PACS1: variants seen among roughly 807,000 people sequenced by gnomAD.
PACS1 encodes the protein phosphofurin acidic cluster sorting protein 1, also known as PACS-1.
A neutral mutation model predicts 115.0 loss-of-function variants in PACS1; 24 were observed. The ratio of observed to expected loss-of-function variants is 0.21; its 90% CI spans 0.15 to 0.29. PACS1 has a LOEUF of 0.29. Among genes scored for constraint, PACS1 ranks in the 10% least tolerant of loss-of-function variants. The pLI is 1.00. For synonymous variants in PACS1, 453 were observed against 504.5 expected (o/e 0.90, Z 1.37); for missense variants, 838 against 1,251.2 (o/e 0.67, Z 4.98).
intron 1 of PACS1, among the ~76,000 whole-genome samples, chr11:66,136,905 C>T (rs1858857673): frequency 6.6e-6 from 1 of 152,040 alleles, no homozygotes; most frequent in African/African-American, 2.4e-5. Flanking sequence ...GCCCGGCCTC[C>T]GTAGGCTCTC....
intron 1 of PACS1, among the ~76,000 whole-genome samples, chr11:66,192,185 A>C (rs905641256): frequency 2.0e-5 from 3 of 152,184 alleles, no homozygotes; most frequent in Non-Finnish European, 4.4e-5. Context: ...CCATTTTAGG[A>C]AACTTAATGT....
chr11:66,140,190 G>A (rs1858945227), intron 1 of PACS1, among the ~76,000 whole-genome samples: 1 of 152,184 alleles, frequency 6.6e-6, no homozygotes, highest in African/African-American at 2.4e-5. Context: ...TGATTCAGCT[G>A]GCCTGGGGTG....
chr11:66,088,719 A>G (rs1198742724), intron 1 of PACS1, among the ~76,000 whole-genome samples: 1 of 152,136 alleles, frequency 6.6e-6, no homozygotes, highest in Non-Finnish European at 1.5e-5. Flanking sequence ...GCCTTAAGGT[A>G]GTCTTTGCCT....
At chr11:66,101,102 G>T (rs558728043) in intron 1 of PACS1, among the ~76,000 whole-genome samples, 1 of 152,256 alleles carries the variant, frequency 6.6e-6, no homozygotes, top group African/African-American at 2.4e-5. Flanking sequence ...TTTTAAGACT[G>T]GCACAGAATT....
intron 1 of PACS1, among the ~76,000 whole-genome samples, chr11:66,174,564 C>T (rs1337283018): frequency 6.6e-6 from 1 of 152,016 alleles, no homozygotes; most frequent in African/African-American, 2.4e-5. Context: ...TATTATTCAC[C>T]AATAAAATGA....
rs753379354 is a variant in PACS1 at position 66,234,099 on chromosome 11, C to T, written c.1994-33C>T. 32 of 1,557,826 alleles carry T rather than the reference C, an allele frequency of 2.1e-5. No homozygotes were observed. In the South Asian group the frequency reaches 2.7e-4, roughly 13 times the overall value. ...GCTCCCACACTGTCTCATCTCCTGA[C>T]GAATTCACCACCTCTGGTTTTCCAT... On this transcript the variant is annotated intron_variant, in intron 16 of 23. Coordinates refer to ENST00000320580, the MANE Select transcript of PACS1 (RefSeq NM_018026.4).
chr11:66,219,262 C>T (rs367545167), intron 7 of PACS1, among the ~76,000 whole-genome samples: 1 of 151,620 alleles, frequency 6.6e-6, no homozygotes, highest in Admixed American at 6.6e-5. Context: ...AATGGGCCTG[C>T]GGGGAGAACG....
At chr11:66,126,125 C>A (rs1029686524) in intron 1 of PACS1, among the ~76,000 whole-genome samples, 1 of 151,302 alleles carries the variant, frequency 6.6e-6, no homozygotes, top group African/African-American at 2.4e-5. Context: ...TGTTAGTGTT[C>A]GACATTACTA....
chr11:66,109,564 G>T (rs1363658819), intron 1 of PACS1, among the ~76,000 whole-genome samples: 2 of 152,082 alleles, frequency 1.3e-5, no homozygotes, highest in Admixed American at 6.6e-5. Context: ...TCTAACCTAA[G>T]CCCTTTTTCT....
At chr11:66,195,418 A>G (rs1854628164) in intron 2 of PACS1, among the ~76,000 whole-genome samples, 1 of 152,082 alleles carries the variant, frequency 6.6e-6, no homozygotes, top group Non-Finnish European at 1.5e-5. Context: ...TTTGGTCCCC[A>G]TTTCTAGGTC....
At position 66,233,036 on chromosome 11, in the gene PACS1, T is replaced by C. The variant is rs1223678100; in HGVS notation, c.1808T>C (p.Leu603Pro). 6.2e-7 allele frequency: 1 copy of C among 1,611,142 alleles called. No individual in the cohort carries two copies. Among genetic ancestry groups the C allele is most frequent in the Non-Finnish European group, 8.5e-7 (1 of 1,179,918 alleles). ...TCCACCGTGGAGGTCCAGGCCGTGC[T>C]GTCCGCCCTGCTCACCCGGATCCAG... ...TCSTVEVQAV[L>P]SALLTRIQRY... Residue 603 changes from leucine (L) to proline (P), a missense_variant, in exon 15 of 24, where the codon CTG (leucine) becomes CCG (proline). Coordinates refer to ENST00000320580, the MANE Select transcript of PACS1 (RefSeq NM_018026.4). The surrounding 1 kb of genome is among the most constrained non-coding windows in gnomAD (Gnocchi z 4.5).
intron 1 of PACS1, among the ~76,000 whole-genome samples, chr11:66,154,565 C>A (rs1293375602): frequency 6.6e-6 from 1 of 152,002 alleles, no homozygotes; most frequent in Non-Finnish European, 1.5e-5. Flanking sequence ...GGTCAGAATA[C>A]CAAAATAACA....
chr11:66,089,060 A>G (rs1247784163), intron 1 of PACS1, among the ~76,000 whole-genome samples: 3 of 152,220 alleles, frequency 2.0e-5, no homozygotes. Context: ...TAGGCCCTAC[A>G]AAACCTCATT....
intron 1 of PACS1, among the ~76,000 whole-genome samples, chr11:66,093,382 C>T (rs1184779626): frequency 1.3e-5 from 2 of 148,540 alleles, no homozygotes; most frequent in Admixed American, 6.8e-5. Flanking sequence ...CAAAAAAAGG[C>T]AGGGGTTGCA....
At chr11:66,198,011 A>T (rs1854687057) in intron 2 of PACS1, among the ~76,000 whole-genome samples, 1 of 152,240 alleles carries the variant, frequency 6.6e-6, no homozygotes, top group Non-Finnish European at 1.5e-5. Flanking sequence ...GAAATGTAAA[A>T]CTATGCCATC....
intron 1 of PACS1, among the ~76,000 whole-genome samples, chr11:66,076,970 G>T (rs1431458018): frequency 6.6e-6 from 1 of 152,186 alleles, no homozygotes; most frequent in African/African-American, 2.4e-5. Context: ...TCTTAGGTTG[G>T]CAAGCACTGA....
At chr11:66,113,768 A>G (rs1469899885) in intron 1 of PACS1, among the ~76,000 whole-genome samples, 1 of 152,206 alleles carries the variant, frequency 6.6e-6, no homozygotes, top group African/African-American at 2.4e-5. Context: ...TCTTGCTCTG[A>G]CATTAATATA....
In PACS1 at chr11:66,090,337, A is replaced by G. The variant is rs531891473; in HGVS notation, c.356+19495A>G. 4.5e-5 allele frequency among the ~76,000 whole-genome samples: 6 copies of G among 132,980 alleles called. No individual in the cohort carries two copies. The South Asian group carries it at 1.4e-3, about 30-fold the overall frequency. The allele number at this position is 132,980 out of a possible 152,430, so 87.2% of individuals were successfully genotyped here. ...GCCCATGCTGGAGCACAGTGGCATG[A>G]TCTCAGCTCACTGCAGCCTGAACCT... On this transcript the variant is annotated intron_variant, in intron 1 of 23. Transcript: ENST00000320580.
chr11:66,191,881 G>C (rs1254728329), intron 1 of PACS1, among the ~76,000 whole-genome samples: 1 of 152,076 alleles, frequency 6.6e-6, no homozygotes, highest in Non-Finnish European at 1.5e-5. Flanking sequence ...AAATTAGCCA[G>C]ACATGATAGT....
Sources: allele counts gnomAD v4.1 joint callset (sites outside exome capture counted in the v4.1 genomes callset), GRCh38; gene constraint gnomAD v4.1.1; non-coding constraint Gnocchi (gnomAD v3.1); transcripts MANE v1.5; gene names NCBI Gene and HGNC (gene_info 2026-07-23, HGNC 2026-07-21).